STON2: variants seen among roughly 807,000 people sequenced by gnomAD.
STON2 encodes stonin-2.
Under a neutral mutation model 65.7 loss-of-function variants are expected in STON2, and 29 were observed. The observed-to-expected ratio is 0.44, with a 90% CI of 0.33 to 0.60. The LOEUF is 0.60. Ranked by LOEUF, STON2 falls within the 20% of genes least tolerant of loss-of-function variation. The probability of loss-of-function intolerance (pLI) is 0.03; values close to 1 mark genes in which losing one functional copy is unlikely to be tolerated. For missense variants in STON2, 1,054 were observed against 1,118.1 expected (o/e 0.94, Z 0.82); for synonymous variants, 404 against 414.2 (o/e 0.98, Z 0.30).
chr14:81,342,503 T>C (rs80265838), intron 4 of STON2, among the ~76,000 whole-genome samples: 1,997 of 152,270 alleles, frequency 0.013, 42 homozygotes, highest in African/African-American at 0.045. Context: ...CAGGGCAAGG[T>C]AGCCCCTGGC....
chr14:81,374,618 A>C (rs571354247), intron 3 of STON2, among the ~76,000 whole-genome samples: 17 of 152,238 alleles, frequency 1.1e-4, no homozygotes, highest in Admixed American at 1.1e-3. Flanking sequence ...GAGCATGTAC[A>C]ATTGAAAAAG....
At chr14:81,376,338 T>C (rs138548719) in intron 3 of STON2, among the ~76,000 whole-genome samples, 331 of 152,034 alleles carry the variant, frequency 2.2e-3, no homozygotes, top group African/African-American at 7.7e-3. Flanking sequence ...TGAAGGGAAA[T>C]AATAAATGTC....
intron 2 of STON2, among the ~76,000 whole-genome samples, chr14:81,422,679 C>T (rs180683399): frequency 6.6e-6 from 1 of 152,184 alleles, no homozygotes; most frequent in South Asian, 2.1e-4. Context: ...AGAAGTGAAA[C>T]CATCTTTCTG....
At chr14:81,351,049 A>G (rs1211571723) in intron 4 of STON2, among the ~76,000 whole-genome samples, 1 of 152,182 alleles carries the variant, frequency 6.6e-6, no homozygotes, top group Non-Finnish European at 1.5e-5. Flanking sequence ...ATTATTTGAA[A>G]TGCTATCTAC....
chr14:81,388,252 T>G (rs1228947284), intron 3 of STON2, among the ~76,000 whole-genome samples: 1 of 152,130 alleles, frequency 6.6e-6, no homozygotes, highest in Non-Finnish European at 1.5e-5. Flanking sequence ...CTGACCAATT[T>G]TAATCATATG....
chr14:81,420,889 C>T (rs1213759449), intron 2 of STON2, among the ~76,000 whole-genome samples: 2 of 152,178 alleles, frequency 1.3e-5, no homozygotes, highest in African/African-American at 4.8e-5. Context: ...TTCCTACGTC[C>T]ACCCCCAAAC....
intron 5 of STON2, among the ~76,000 whole-genome samples, chr14:81,318,645 G>GT (rs1190506493): frequency 1.3e-5 from 2 of 152,180 alleles, no homozygotes; most frequent in Non-Finnish European, 2.9e-5. Flanking sequence ...GAGGTCAGGA[G>GT]TTTGAGACCA....
intron 5 of STON2, among the ~76,000 whole-genome samples, chr14:81,316,630 T>C (rs1041534002): frequency 6.6e-6 from 1 of 152,226 alleles, no homozygotes; most frequent in Admixed American, 6.5e-5. Context: ...CATAATCCTT[T>C]GTACTTCAGT....
intron 2 of STON2, among the ~76,000 whole-genome samples, chr14:81,407,233 T>C (rs896490852): frequency 2.0e-5 from 3 of 152,202 alleles, no homozygotes; most frequent in African/African-American, 7.2e-5. Context: ...ACTTTCTGAC[T>C]TGTGTTCACT....
At chr14:81,331,719 A>G (rs973374366) in intron 4 of STON2, among the ~76,000 whole-genome samples, 19 of 152,296 alleles carry the variant, frequency 1.2e-4, no homozygotes, top group Admixed American at 1.2e-3. Flanking sequence ...CTTGGGTTAA[A>G]AGCTGCATTG....
At chr14:81,280,871 C>T (rs974617608) in intron 5 of STON2, among the ~76,000 whole-genome samples, 3 of 151,776 alleles carry the variant, frequency 2.0e-5, no homozygotes, top group East Asian at 1.9e-4. Context: ...ATTAGCTGGG[C>T]GTGGTGGCAC....
At chr14:81,290,764 T>C (rs977805615) in intron 5 of STON2, among the ~76,000 whole-genome samples, 1 of 152,204 alleles carries the variant, frequency 6.6e-6, no homozygotes, top group Non-Finnish European at 1.5e-5. Flanking sequence ...TAGGCCTGTC[T>C]TTTCAATTGG....
chr14:81,424,443 CAA>C (rs910192555), intron 2 of STON2, among the ~76,000 whole-genome samples: 1 of 146,542 alleles, frequency 6.8e-6, no homozygotes. Context: ...GACACCATAT[CAA>C]AAAAAAATAT....
chr14:81,428,837 G>C (rs978480840), intron 1 of STON2, among the ~76,000 whole-genome samples: 5 of 152,082 alleles, frequency 3.3e-5, no homozygotes, highest in Non-Finnish European at 7.4e-5. Flanking sequence ...TTTTAAACCA[G>C]TTAGCTAACT....
intron 6 of STON2, among the ~76,000 whole-genome samples, chr14:81,271,845 CTT>C (rs1411841121): frequency 1.3e-5 from 2 of 152,178 alleles, no homozygotes; most frequent in African/African-American, 4.8e-5. Flanking sequence ...CAGATTCTCT[CTT>C]TGAGTCTTCA....
Position 81,265,253 on chromosome 14 carries a change from A to G in STON2, c.*3161T>C, listed in dbSNP as rs555347502. The G allele has an allele frequency of 5.2e-5, 51 of 983,800 alleles. No homozygotes were observed. The African/African-American group carries it at 8.7e-4, about 17-fold the overall frequency. 60.9% of individuals were successfully genotyped at this position (983,800 alleles called of 1,614,324 possible). ...ACACTCATTACGTCTAAAAATATAT[A>G]GTATTATTATCCCCAAACCCCTAAA... On this transcript the variant is annotated 3_prime_UTR_variant, in exon 8 of 8. Transcript: ENST00000614646.
chr14:81,305,770 A>T (rs1467773413), intron 5 of STON2, among the ~76,000 whole-genome samples: 3 of 152,204 alleles, frequency 2.0e-5, no homozygotes, highest in Middle Eastern at 3.4e-3. Flanking sequence ...CTCGTTTAAG[A>T]TATATTTTTA....
intron 4 of STON2, among the ~76,000 whole-genome samples, chr14:81,356,891 TTCTC>T (rs978988409): frequency 1.3e-5 from 2 of 152,188 alleles, no homozygotes; most frequent in African/African-American, 2.4e-5. Flanking sequence ...TATTTGATTC[TTCTC>T]TCTTTTTTTC....
Position 81,270,665 on chromosome 14 carries a change from G to A in STON2, c.2784+5C>T, listed in dbSNP as rs1894540525. ...AAGCATTAGCCAGATGCTTCCCAAG[G>A]CTACCTGGTAGCTGTAGTGTGCAGA... On this transcript the variant is annotated splice_donor_5th_base_variant and intron_variant, in intron 7 of 7. Transcript: ENST00000614646. The A allele has an allele frequency of 1.2e-6, 2 of 1,614,182 alleles. No individual in the cohort carries two copies. The highest frequency in any genetic ancestry group is 2.2e-5 in the East Asian group (1 of 44,884).
Sources: gnomAD v4.1 joint callset for allele counts (sites outside exome capture counted in the v4.1 genomes callset) on GRCh38, gnomAD v4.1.1 for gene constraint, MANE v1.5 for transcripts, NCBI Gene and HGNC (gene_info 2026-07-23, HGNC 2026-07-21) for gene names.